RABGAP1L: variants seen among roughly 807,000 people sequenced by gnomAD.
RABGAP1L encodes the protein RAB GTPase activating protein 1 like.
RABGAP1L carries 63 observed loss-of-function variants against 137.7 expected under a neutral mutation model. The ratio of observed to expected loss-of-function variants is 0.46; its 90% confidence interval spans 0.37 to 0.56. The LOEUF is 0.56. RABGAP1L is among the 20% of genes least tolerant of loss of function. The pLI is 0.00. For synonymous variants in RABGAP1L, 431 were observed against 433.7 expected (o/e 0.99, Z 0.08); for missense variants, 1,095 against 1,244.0 (o/e 0.88, Z 1.80).
chr1:174,353,154 C>T (rs1452593075), intron 11 of RABGAP1L, among the ~76,000 whole-genome samples: 1 of 152,106 alleles, frequency 6.6e-6, no homozygotes, highest in Non-Finnish European at 1.5e-5. Context: ...GAGTGGATTC[C>T]CTTTTCCCTT....
intron 13 of RABGAP1L, among the ~76,000 whole-genome samples, chr1:174,443,044 G>A (rs1654332779): frequency 6.6e-6 from 1 of 151,976 alleles, no homozygotes; most frequent in Admixed American, 6.6e-5. Flanking sequence ...GCAAATGTAA[G>A]AATTTCATTC....
chr1:174,404,196 A>C (rs1476313607), intron 13 of RABGAP1L, among the ~76,000 whole-genome samples: 1 of 152,198 alleles, frequency 6.6e-6, no homozygotes, highest in Non-Finnish European at 1.5e-5. Flanking sequence ...TGTGTAGAAT[A>C]CAGAAGAGAT....
intron 14 of RABGAP1L, among the ~76,000 whole-genome samples, chr1:174,655,121 C>CCCAAATA (rs56856728): frequency 0.37 from 55,633 of 151,594 alleles, 13,347 homozygotes; most frequent in African/African-American, 0.69. Context: ...CCTCATCACC[C>CCCAAATA]CTTTAGGATG....
At position 174,614,219 on chromosome 1, in the gene RABGAP1L, C is replaced by T. The variant is rs776818863; in HGVS notation, c.1711-23156C>T. Among the ~76,000 whole-genome samples the T allele has an allele frequency of 2.2e-3, 338 of 152,180 alleles. 1 individual carries two copies. Among genetic ancestry groups the T allele is most frequent in the Non-Finnish European group, 4.0e-3 (273 of 68,010 alleles). ...ACCGGTTGTTCCTTTCCATGTTTAG[C>T]GCTTCCTTCAGGAGCTCTTTTAGGG... On this transcript the variant is annotated intron_variant, in intron 13 of 25. Coordinates refer to ENST00000681986, the MANE Select transcript of RABGAP1L (RefSeq NM_001366446.1).
At chr1:174,383,328 C>T (rs1324829294) in intron 12 of RABGAP1L, among the ~76,000 whole-genome samples, 5 of 151,458 alleles carry the variant, frequency 3.3e-5, no homozygotes, top group Non-Finnish European at 7.4e-5. Flanking sequence ...CCAGTTCGAG[C>T]TTCCTGGCTG....
chr1:174,867,158 G>A (rs778457913), intron 19 of RABGAP1L, among the ~76,000 whole-genome samples: 1 of 151,920 alleles, frequency 6.6e-6, no homozygotes, highest in Admixed American at 6.6e-5. Flanking sequence ...TGAGGCGGCC[G>A]GATCACGAGG....
chr1:174,588,374 A>C (rs1669288578), intron 13 of RABGAP1L, among the ~76,000 whole-genome samples: 1 of 151,268 alleles, frequency 6.6e-6, no homozygotes, highest in Non-Finnish European at 1.5e-5. Context: ...CATGTTGGCC[A>C]GGCTAGTCTC....
chr1:174,456,245 T>G (rs1204651562), intron 13 of RABGAP1L, among the ~76,000 whole-genome samples: 1 of 152,072 alleles, frequency 6.6e-6, no homozygotes, highest in African/African-American at 2.4e-5. Context: ...TAGAGGGTAA[T>G]AAAAAATTTA....
At chr1:174,226,230 T>G (rs1428671798) in intron 3 of RABGAP1L, among the ~76,000 whole-genome samples, 1 of 152,130 alleles carries the variant, frequency 6.6e-6, no homozygotes, top group African/African-American at 2.4e-5. Context: ...AGGTTCAGAT[T>G]TTCACTTTCC....
Position 174,231,139 on chromosome 1 carries a change from C to T in RABGAP1L, c.332-6C>T, listed in dbSNP as rs1199563867. The T allele has an allele frequency of 3.8e-6, 6 of 1,588,278 alleles. No individual in the cohort carries two copies. The highest frequency in any genetic ancestry group is 3.5e-5 in the Admixed American group (2 of 57,328). ...CTTTTGAGTGTTTCTTTTTTTGTTTCTTCAGAAATTTCTACACCCAGACCA... is the reference window on the plus strand; with the variant it reads ...CTTTTGAGTGTTTCTTTTTTTGTTTTTTCAGAAATTTCTACACCCAGACCA... On this transcript the variant is annotated splice_polypyrimidine_tract_variant and splice_region_variant and intron_variant, in intron 3 of 25. Coordinates refer to ENST00000681986, the MANE Select transcript of RABGAP1L (RefSeq NM_001366446.1).
intron 1 of RABGAP1L, among the ~76,000 whole-genome samples, chr1:174,215,194 C>T (rs996393925): frequency 6.6e-6 from 1 of 152,242 alleles, no homozygotes; most frequent in East Asian, 1.9e-4. Context: ...CAGTGGCTCA[C>T]GCCTGTAATC....
chr1:174,215,054 C>T (rs535735239), intron 1 of RABGAP1L, among the ~76,000 whole-genome samples: 1 of 152,138 alleles, frequency 6.6e-6, no homozygotes, highest in East Asian at 1.9e-4. Context: ...AAGAGACAAC[C>T]CACAGAATGG....
intron 17 of RABGAP1L, among the ~76,000 whole-genome samples, chr1:174,710,686 T>C (rs1413955474): frequency 1.3e-5 from 2 of 152,096 alleles, no homozygotes; most frequent in African/African-American, 4.8e-5. Flanking sequence ...GCACTAAATA[T>C]GGAAAGACCA....
intron 20 of RABGAP1L, chr1:174,957,951 T>C (rs1005511595): frequency 6.4e-7 from 1 of 1,573,732 alleles, no homozygotes; most frequent in African/African-American, 1.4e-5. Flanking sequence ...CATAAGAAGC[T>C]GAGAGAAAGA....
chr1:174,667,513 A>G (rs1292756232), intron 14 of RABGAP1L, among the ~76,000 whole-genome samples: 1 of 152,222 alleles, frequency 6.6e-6, no homozygotes, highest in Non-Finnish European at 1.5e-5. Context: ...AAATGAGAAC[A>G]TAGAAAAGAA....
chr1:174,387,626 G>T (rs1429362038), intron 12 of RABGAP1L, among the ~76,000 whole-genome samples: 2 of 151,956 alleles, frequency 1.3e-5, no homozygotes, highest in African/African-American at 4.8e-5. Flanking sequence ...AATTGCATGG[G>T]TTGATGATAT....
At chr1:174,550,874 A>ATATATATATG (rs1666387655) in intron 13 of RABGAP1L, among the ~76,000 whole-genome samples, 1 of 82,286 alleles carries the variant, frequency 1.2e-5, no homozygotes, top group Non-Finnish European at 2.1e-5. Context: ...ATATATATAT[A>ATATATATATG]TATATATATA....
chr1:174,191,881 A>G (rs536520239), intron 1 of RABGAP1L, among the ~76,000 whole-genome samples: 1 of 152,322 alleles, frequency 6.6e-6, no homozygotes, highest in South Asian at 2.1e-4. Context: ...GAGTAAGCAA[A>G]GGTCTAGAAA....
At chr1:174,743,252 T>C (rs1332300567) in intron 17 of RABGAP1L, among the ~76,000 whole-genome samples, 1 of 152,150 alleles carries the variant, frequency 6.6e-6, no homozygotes, top group Admixed American at 6.5e-5. Context: ...GCAATTATGG[T>C]GAATGAGGGG....
Sources: gnomAD v4.1 joint callset for allele counts (sites outside exome capture counted in the v4.1 genomes callset) on GRCh38, gnomAD v4.1.1 for gene constraint, MANE v1.5 for transcripts, NCBI Gene and HGNC (gene_info 2026-07-23, HGNC 2026-07-21) for gene names.